Variants in VPS13C observed in about 807,000 individuals in gnomAD.
The protein encoded by VPS13C is vacuolar protein sorting 13 homolog C, also known as intermembrane lipid transfer protein VPS13C.
A neutral mutation model predicts 456.8 loss-of-function variants in VPS13C; 358 were observed. That is an observed-to-expected ratio of 0.78 (90% CI 0.72 to 0.86). VPS13C has a LOEUF of 0.86. Ranked by LOEUF, VPS13C falls within the 40% of genes least tolerant of loss-of-function variation. VPS13C has a pLI of 0.00. For synonymous variants in VPS13C, 1,578 were observed against 1,486.7 expected (o/e 1.06, Z -1.41); for missense variants, 4,818 against 4,385.4 (o/e 1.10, Z -2.79).
chr15:61,916,749 G>C (rs1258288677), intron 60 of VPS13C, among the ~76,000 whole-genome samples: 1 of 151,898 alleles, frequency 6.6e-6, no homozygotes, highest in Admixed American at 6.6e-5. Flanking sequence ...ACCATTACTA[G>C]AAAATCTTTA....
intron 50 of VPS13C, among the ~76,000 whole-genome samples, chr15:61,930,329 G>T (rs1280246107): frequency 6.6e-6 from 1 of 152,062 alleles, no homozygotes; most frequent in Non-Finnish European, 1.5e-5. Flanking sequence ...ACCCTTGCCG[G>T]GAGAGCTGTG....
rs1356879165 is a variant in VPS13C, at chr15:62,033,424, T to G, written c.385+17A>C. ...AAATATAGGTATGTCTAAGTTTATC[T>G]CAAAAAAACTTTTTACCTTTTTCTG... On this transcript the variant is annotated intron_variant, in intron 5 of 84. Coordinates refer to ENST00000644861, the MANE Select transcript of VPS13C (RefSeq NM_020821.3). 1 of 1,563,500 alleles carries G rather than the reference T, an allele frequency of 6.4e-7. No homozygotes were observed. The highest frequency in any genetic ancestry group is 2.3e-5 in the East Asian group (1 of 43,814).
rs2047991397 is a variant in VPS13C at position 62,036,102 on chromosome 15, T to C, written c.188-1050A>G. 2.6e-5 allele frequency among the ~76,000 whole-genome samples: 4 copies of C among 152,036 alleles called. No individual in the cohort carries two copies. The South Asian group carries it at 8.3e-4, about 31-fold the overall frequency. ...CCTTTCCTACACATAAAGTTTTACA[T>C]GTTCCAAAATAAAATACCTTCCTTC... is the stretch of plus-strand genomic sequence containing the variant. On this transcript the variant is annotated intron_variant, in intron 3 of 84. Transcript: ENST00000644861.
rs537118262 is a variant in VPS13C, at chr15:61,981,621, G to C, written c.2030-143C>G. On this transcript the variant is annotated intron_variant, in intron 21 of 84. Coordinates refer to ENST00000644861, the MANE Select transcript of VPS13C (RefSeq NM_020821.3). ...CACGCCTGTCATCCCAGCACTTTGGGAGGCCGAGACAGGCAGATCACGAGG... is the reference window on the plus strand; with the variant it reads ...CACGCCTGTCATCCCAGCACTTTGGCAGGCCGAGACAGGCAGATCACGAGG... 8.1e-5 allele frequency: 59 copies of C among 732,622 alleles called. 1 individual carries two copies. In the South Asian group the frequency reaches 1.3e-3, roughly 17 times the overall value. 45.4% of individuals were successfully genotyped at this position (732,622 alleles called of 1,614,324 possible).
intron 35 of VPS13C, among the ~76,000 whole-genome samples, chr15:61,959,900 T>C (rs927265154): frequency 6.6e-6 from 1 of 152,086 alleles, no homozygotes; most frequent in African/African-American, 2.4e-5. Context: ...TCATATACAG[T>C]TGTTCAAGGA....
chr15:61,893,240 G>T (rs1566974698), intron 66 of VPS13C, among the ~76,000 whole-genome samples: 1 of 152,124 alleles, frequency 6.6e-6, no homozygotes, highest in Non-Finnish European at 1.5e-5. Flanking sequence ...CAAAAGAAAA[G>T]AAGCAGATAA....
At chr15:61,944,312 T>G (rs184145706) in intron 45 of VPS13C, among the ~76,000 whole-genome samples, 14 of 152,232 alleles carry the variant, frequency 9.2e-5, no homozygotes, top group African/African-American at 3.4e-4. Flanking sequence ...AATAAATGGT[T>G]CTACCAAAAA....
chr15:62,052,694 A>G (rs2048664588), intron 1 of VPS13C, among the ~76,000 whole-genome samples: 1 of 145,034 alleles, frequency 6.9e-6, no homozygotes, highest in Non-Finnish European at 1.5e-5. Context: ...AAAAAAAAAA[A>G]GAATACCAAA....
chr15:61,891,674 G>C (rs1261471051), intron 66 of VPS13C, among the ~76,000 whole-genome samples: 1 of 152,040 alleles, frequency 6.6e-6, no homozygotes, highest in Non-Finnish European at 1.5e-5. Context: ...ACTATTCATT[G>C]CATGAAGGTT....
chr15:62,013,317 A>G (rs1288540341), intron 10 of VPS13C, among the ~76,000 whole-genome samples, 198 bp from the exon 11 acceptor site: 1 of 152,028 alleles, frequency 6.6e-6, no homozygotes, highest in Admixed American at 6.6e-5. Context: ...CATTTGCTAA[A>G]TTGCACTTTC....
intron 14 of VPS13C, 138 bp from the exon 15 acceptor site, chr15:62,007,617 C>A: frequency 4.3e-6 from 3 of 694,256 alleles, no homozygotes; most frequent in Non-Finnish European, 4.3e-6. Flanking sequence ...TCAGCAATTC[C>A]CAGTAAAATT....
chr15:62,009,028 C>G (rs2046952087), intron 13 of VPS13C, among the ~76,000 whole-genome samples: 1 of 152,134 alleles, frequency 6.6e-6, no homozygotes, highest in South Asian at 2.1e-4. Context: ...ATTAAATTGT[C>G]TTATCACCAA....
Position 61,873,259 on chromosome 15 carries a change from T to C in VPS13C, c.10565A>G (p.Lys3522Arg), listed in dbSNP as rs1335155433. Residue 3522 changes from lysine (K) to arginine (R), a missense_variant, in exon 78 of 85, where the codon AAG (lysine) becomes AGG (arginine). Physicochemically the swap from Lys to Arg is conservative, Grantham distance 26. Transcript: ENST00000644861. The part of the protein sequence containing the change: ...DFGDSLARGG[K>R]GFLRGVVGGV... ...CAAAGAACTTACTCGCAGAAAGCCC[T>C]TTCCTCCTCTGGCCAGGCTGTCTCC... is the stretch of plus-strand genomic sequence containing the variant. The C allele has an allele frequency of 3.1e-6, 5 of 1,613,450 alleles. No homozygotes were observed. The African/African-American group carries it at 4.0e-5, about 13-fold the overall frequency.
At chr15:62,056,477 A>G (rs1567157256) in intron 1 of VPS13C, among the ~76,000 whole-genome samples, 3 of 152,162 alleles carry the variant, frequency 2.0e-5, no homozygotes, top group Admixed American at 1.3e-4. Context: ...TAACGCCAGC[A>G]TCTAGGAAGA....
At position 62,044,271 on chromosome 15, in the gene VPS13C, A is replaced by G. The variant is rs1475690472; in HGVS notation, c.101-16T>C. 3 of 1,432,366 alleles carry G rather than the reference A, an allele frequency of 2.1e-6. No individual in the cohort carries two copies. The highest frequency in any genetic ancestry group is 2.9e-6 in the Non-Finnish European group (3 of 1,039,754). 88.7% of individuals were successfully genotyped at this position (1,432,366 alleles called of 1,614,324 possible). A position where few individuals can be genotyped will look rare whatever the true frequency, so the allele number is the denominator to read the frequency against. Reference sequence around the variant, plus strand: ...GCCACATTTCCTTTAAAAAAAGAAAACAAAGAAAAATATTACTATAACATA... The same window carrying G: ...GCCACATTTCCTTTAAAAAAAGAAAGCAAAGAAAAATATTACTATAACATA... On this transcript the variant is annotated splice_polypyrimidine_tract_variant and intron_variant, in intron 1 of 84. Coordinates refer to ENST00000644861, the MANE Select transcript of VPS13C (RefSeq NM_020821.3).
chr15:61,896,207 T>A (rs2042806133), intron 66 of VPS13C, among the ~76,000 whole-genome samples: 1 of 152,160 alleles, frequency 6.6e-6, no homozygotes, highest in South Asian at 2.1e-4. Flanking sequence ...ACTGCTGAAT[T>A]CTACCAAACA....
At chr15:62,045,925 T>A (rs1176611022) in intron 1 of VPS13C, among the ~76,000 whole-genome samples, 1 of 152,154 alleles carries the variant, frequency 6.6e-6, no homozygotes, top group Non-Finnish European at 1.5e-5. Flanking sequence ...AATGCCCAGA[T>A]TGACCTAAAT....
chr15:62,059,592 G>A (rs2048920054), intron 1 of VPS13C, among the ~76,000 whole-genome samples: 2 of 152,206 alleles, frequency 1.3e-5, no homozygotes, highest in Non-Finnish European at 2.9e-5. Context: ...TAATGACGAT[G>A]CTGGTCGAGG....
chr15:61,880,889 A>G lies in VPS13C; in HGVS notation c.9842T>C (p.Ile3281Thr). 4 of 1,610,922 alleles carry G rather than the reference A, an allele frequency of 2.5e-6. No individual in the cohort carries two copies. In the South Asian group the frequency reaches 3.3e-5, roughly 13 times the overall value. Residue 3281 changes from isoleucine to threonine, a missense_variant, in exon 72 of 85, where the codon ATT becomes ACT. Physicochemically the swap from Ile to Thr is moderately conservative, Grantham distance 89. Transcript: ENST00000644861. ...KIDQGFLGAI[I>T]ALFTPTTDPE... is the part of the protein sequence containing the mutation. Reference sequence around the variant, plus strand: ...GTCTGTTGTTGGGGTAAACAGTGCAATAATAGCTCCTAGAAACCCTTGATC... The same window carrying G: ...GTCTGTTGTTGGGGTAAACAGTGCAGTAATAGCTCCTAGAAACCCTTGATC...
Sources: allele counts gnomAD v4.1 joint callset (sites outside exome capture counted in the v4.1 genomes callset), GRCh38; gene constraint gnomAD v4.1.1; transcripts MANE v1.5; gene names NCBI Gene and HGNC (gene_info 2026-07-23, HGNC 2026-07-21).